CDC42BPA: variants seen among roughly 807,000 people sequenced by gnomAD.
CDC42BPA encodes CDC42 binding protein kinase alpha.
CDC42BPA carries 80 observed loss-of-function variants against 223.5 expected under a neutral mutation model. That is an observed-to-expected ratio of 0.36 (90% CI 0.30 to 0.43). CDC42BPA has a LOEUF of 0.43. Ranked by LOEUF, CDC42BPA falls within the 20% of genes least tolerant of loss-of-function variation. The pLI is 1.00. For missense variants in CDC42BPA, 1,743 were observed against 2,099.9 expected, an observed-to-expected ratio of 0.83 and a Z score of 3.32; for synonymous variants, 694 against 718.6, an observed-to-expected ratio of 0.97 and a Z score of 0.55.
chr1:227,005,217 C>A, intron 34 of CDC42BPA, 106 bp from the exon 35 acceptor site: 1 of 780,534 alleles, frequency 1.3e-6, no homozygotes, highest in Admixed American at 1.9e-5. Flanking sequence ...ATCATCTTGA[C>A]CAGAATGACA....
intron 1 of CDC42BPA, among the ~76,000 whole-genome samples, chr1:227,304,125 G>A (rs898466082): frequency 6.6e-6 from 1 of 152,230 alleles, no homozygotes; most frequent in Non-Finnish European, 1.5e-5. Context: ...TTGACCACAT[G>A]TGGTGGCGCC....
intron 12 of CDC42BPA, among the ~76,000 whole-genome samples, chr1:227,116,186 T>A (rs1480296990): frequency 6.6e-6 from 1 of 152,236 alleles, no homozygotes; most frequent in African/African-American, 2.4e-5. Context: ...GCTACATAAA[T>A]GTTATCTATA....
intron 3 of CDC42BPA, among the ~76,000 whole-genome samples, chr1:227,212,563 G>T (rs1513611): frequency 0.31 from 47,410 of 151,698 alleles, 7,585 homozygotes; most frequent in East Asian, 0.37. Context: ...ATGTGTGACA[G>T]CAGTTCTGAC....
intron 4 of CDC42BPA, among the ~76,000 whole-genome samples, chr1:227,197,887 C>T (rs1671012074): frequency 6.6e-6 from 1 of 152,088 alleles, no homozygotes; most frequent in South Asian, 2.1e-4. Flanking sequence ...ATTATCTTTG[C>T]ATGATACATT....
chr1:227,179,708 T>C (rs1424243198), intron 5 of CDC42BPA, among the ~76,000 whole-genome samples: 1 of 147,802 alleles, frequency 6.8e-6, no homozygotes, highest in Non-Finnish European at 1.5e-5. Context: ...TAATTTTTAA[T>C]GAGGATCCAC....
intron 6 of CDC42BPA, among the ~76,000 whole-genome samples, chr1:227,148,771 GCAA>G (rs1661160506): frequency 1.3e-4 from 1 of 7,712 alleles, no homozygotes; most frequent in Non-Finnish European, 1.9e-4. Flanking sequence ...GGTCTCAAAA[GCAA>G]AAAAAAAAAA....
chr1:227,041,029 T>C (rs995831058), intron 23 of CDC42BPA, among the ~76,000 whole-genome samples: 4 of 152,218 alleles, frequency 2.6e-5, no homozygotes, highest in East Asian at 1.9e-4. Flanking sequence ...TCTGTCTCAC[T>C]TTCCTTATCT....
chr1:227,163,321 A>G (rs536100877), intron 5 of CDC42BPA, among the ~76,000 whole-genome samples: 1 of 152,260 alleles, frequency 6.6e-6, no homozygotes, highest in African/African-American at 2.4e-5. Context: ...TCTCCTGATA[A>G]CGGAATTTTG....
At chr1:227,268,640 T>C (rs1160882615) in intron 1 of CDC42BPA, among the ~76,000 whole-genome samples, 1 of 134,284 alleles carries the variant, frequency 7.4e-6, no homozygotes, top group Non-Finnish European at 1.5e-5. Context: ...TGTGTATATA[T>C]ATAGTGTGTG....
intron 5 of CDC42BPA, among the ~76,000 whole-genome samples, chr1:227,192,120 A>G (rs796253772): frequency 2.0e-5 from 3 of 152,366 alleles, no homozygotes; most frequent in African/African-American, 7.2e-5. Context: ...GTTTAATTAA[A>G]GTAGTCTTCC....
chr1:227,306,404 G>A (rs2148782272), intron 1 of CDC42BPA, among the ~76,000 whole-genome samples: 1 of 152,256 alleles, frequency 6.6e-6, no homozygotes, highest in South Asian at 2.1e-4. Context: ...GGGATTACCA[G>A]AGGTACATAG....
rs769182344 is a variant in CDC42BPA, at chr1:227,069,763, T to C, written c.2904+14A>G. ...AATTGACCCCAGAGGATATGTGACA[T>C]GTTTAATACTTACTTCAAATTGATC... On this transcript the variant is annotated intron_variant, in intron 21 of 36. Coordinates refer to ENST00000366766, the MANE Select transcript of CDC42BPA (RefSeq NM_001394014.1). 3.8e-6 allele frequency: 6 copies of C among 1,566,672 alleles called. No individual in the cohort carries two copies. Among genetic ancestry groups the C allele is most frequent in the Non-Finnish European group, 5.3e-6 (6 of 1,139,758 alleles).
chr1:227,201,765 C>T (rs919062578), intron 3 of CDC42BPA, among the ~76,000 whole-genome samples: 2 of 101,292 alleles, frequency 2.0e-5, no homozygotes, highest in African/African-American at 4.0e-5. Context: ...GATTATAGTG[C>T]TCTGTAAGTT....
At position 227,317,202 on chromosome 1, in the gene CDC42BPA, G is replaced by C. The variant is rs750109080; in HGVS notation, c.-20C>G. ...AGACATGTTTGCTTCGATTTCTGCT[G>C]GTTTTCCTTTAAATTATTATGATGA... On this transcript the variant is annotated 5_prime_UTR_variant, in exon 1 of 37. Transcript: ENST00000366766. The C allele has an allele frequency of 3.5e-5, 55 of 1,585,782 alleles. No homozygotes were observed. Among genetic ancestry groups the C allele is most frequent in the Non-Finnish European group, 4.4e-5 (51 of 1,167,286 alleles).
At chr1:227,057,015 T>C (rs556845984) in intron 21 of CDC42BPA, among the ~76,000 whole-genome samples, 1 of 152,324 alleles carries the variant, frequency 6.6e-6, no homozygotes, top group South Asian at 2.1e-4. Flanking sequence ...TTATTTTCAA[T>C]ATACTGATTG....
At chr1:227,019,849 A>C (rs1667044121) in intron 32 of CDC42BPA, among the ~76,000 whole-genome samples, 1 of 152,086 alleles carries the variant, frequency 6.6e-6, no homozygotes, top group African/African-American at 2.4e-5. Context: ...GTTGCCATCC[A>C]GACTTTGTTG....
intron 1 of CDC42BPA, among the ~76,000 whole-genome samples, chr1:227,255,073 T>C (rs1682812338): frequency 6.6e-6 from 1 of 152,250 alleles, no homozygotes; most frequent in Non-Finnish European, 1.5e-5. Flanking sequence ...ATCTTATTAA[T>C]AATTTTAACT....
chr1:227,241,767 G>GT (rs1680062161), intron 2 of CDC42BPA, among the ~76,000 whole-genome samples: 1 of 152,034 alleles, frequency 6.6e-6, no homozygotes, highest in African/African-American at 2.4e-5. Flanking sequence ...TCAAGGAACT[G>GT]TATATATACA....
At chr1:227,311,656 G>T (rs1336981523) in intron 1 of CDC42BPA, among the ~76,000 whole-genome samples, 2 of 151,680 alleles carry the variant, frequency 1.3e-5, no homozygotes, top group Non-Finnish European at 2.9e-5. Context: ...ATAAACCATT[G>T]AAAGAAATAC....
Sources: gnomAD v4.1 joint callset for allele counts (sites outside exome capture counted in the v4.1 genomes callset) on GRCh38, gnomAD v4.1.1 for gene constraint, MANE v1.5 for transcripts, NCBI Gene and HGNC (gene_info 2026-07-23, HGNC 2026-07-21) for gene names.